UBE2E2: variants seen among roughly 807,000 people sequenced by gnomAD.
UBE2E2 encodes ubiquitin-conjugating enzyme E2 E2.
Under a neutral mutation model 24.7 loss-of-function variants are expected in UBE2E2, and 6 were observed. The observed-to-expected ratio is 0.24, with a 90% CI of 0.13 to 0.48. The LOEUF (loss-of-function observed/expected upper bound fraction) is 0.48. UBE2E2 is among the 20% of genes least tolerant of loss of function. The pLI is 0.99. For synonymous variants in UBE2E2, 104 were observed against 83.6 expected, an observed-to-expected ratio of 1.24 and a Z score of -1.33; for missense variants, 169 against 245.0, an observed-to-expected ratio of 0.69 and a Z score of 2.07.
intron 3 of UBE2E2, among the ~76,000 whole-genome samples, chr3:23,345,095 A>G (rs1270776209): frequency 6.6e-6 from 1 of 152,166 alleles, no homozygotes; most frequent in Non-Finnish European, 1.5e-5. Flanking sequence ...TTATTTGCAC[A>G]TTTCTAGTTC....
At chr3:23,398,311 T>C (rs1452092062) in intron 3 of UBE2E2, among the ~76,000 whole-genome samples, 1 of 28,028 alleles carries the variant, frequency 3.6e-5, no homozygotes, top group Admixed American at 2.0e-4. Context: ...AGACTCCATC[T>C]CAAAAAAAAA....
chr3:23,400,332 CTTTTA>C (rs1221800439), intron 3 of UBE2E2, among the ~76,000 whole-genome samples: 4 of 151,932 alleles, frequency 2.6e-5, no homozygotes, highest in Non-Finnish European at 5.9e-5. Flanking sequence ...TGAAGCTAGC[CTTTTA>C]TTTTATTTTC....
chr3:23,323,957 C>T (rs1694816695), intron 3 of UBE2E2, among the ~76,000 whole-genome samples: 1 of 152,078 alleles, frequency 6.6e-6, no homozygotes, highest in African/African-American at 2.4e-5. Context: ...TTGAATTAAC[C>T]ATAATGGAGC....
chr3:23,216,902 T>C (rs945770453), intron 2 of UBE2E2, among the ~76,000 whole-genome samples: 1 of 152,104 alleles, frequency 6.6e-6, no homozygotes, highest in African/African-American at 2.4e-5. Flanking sequence ...TAACTTAATA[T>C]CAGCTTTCCA....
intron 3 of UBE2E2, among the ~76,000 whole-genome samples, chr3:23,496,962 T>C (rs1002947181): frequency 1.3e-5 from 2 of 152,214 alleles, no homozygotes; most frequent in Non-Finnish European, 2.9e-5. Flanking sequence ...AACATTTCAA[T>C]TAATACATAT....
intron 3 of UBE2E2, among the ~76,000 whole-genome samples, chr3:23,313,635 G>A (rs975784758): frequency 2.6e-5 from 4 of 151,784 alleles, no homozygotes; most frequent in South Asian, 2.1e-4. Flanking sequence ...CACCCACCTC[G>A]GCCTCCCAAA....
intron 1 of UBE2E2, among the ~76,000 whole-genome samples, chr3:23,207,215 A>C (rs1195010127): frequency 1.3e-5 from 2 of 152,224 alleles, no homozygotes; most frequent in Non-Finnish European, 2.9e-5. Context: ...ATAGTCATCA[A>C]ACTCAGAAAT....
chr3:23,255,271 T>C (rs1235755957), intron 3 of UBE2E2, among the ~76,000 whole-genome samples: 1 of 151,218 alleles, frequency 6.6e-6, no homozygotes, highest in East Asian at 1.9e-4. Flanking sequence ...TTTTTTTTTT[T>C]TTGGTAACGA....
chr3:23,579,712 G>GA lies in UBE2E2; in HGVS notation c.509-10016dup, dbSNP rs577289702. Among the ~76,000 whole-genome samples, 350 of 151,798 alleles carry GA rather than the reference G, an allele frequency of 2.3e-3. 1 individual carries two copies. Among genetic ancestry groups the GA allele is most frequent in the Non-Finnish European group, 4.0e-3 (275 of 67,912 alleles). Reference sequence around the variant, plus strand: ...AAGACCCTGTCTCTTAAAAAAAAAAGAAAAAAGAATACTATTTCCTAAGGC... The same window carrying GA: ...AAGACCCTGTCTCTTAAAAAAAAAAGAAAAAAAGAATACTATTTCCTAAGGC... On this transcript the variant is annotated intron_variant, in intron 5 of 5. Coordinates refer to ENST00000396703, the MANE Select transcript of UBE2E2 (RefSeq NM_152653.4).
Position 23,591,783 on chromosome 3 carries a change from G to A in UBE2E2, c.*1952G>A, listed in dbSNP as rs1696771007. 2 of 152,130 alleles carry A rather than the reference G, an allele frequency of 1.3e-5. No individual in the cohort carries two copies. Among genetic ancestry groups the A allele is most frequent in the Admixed American group, 1.3e-4 (2 of 15,276 alleles). The allele number at this position is 152,130 out of a possible 1,614,324, so 9.4% of individuals were successfully genotyped here. ...TTTAACATAAAATAAATTCAATATGGTACAACACTGATTTTTGGAAAGTTG... is the reference window on the plus strand; with the variant it reads ...TTTAACATAAAATAAATTCAATATGATACAACACTGATTTTTGGAAAGTTG... On this transcript the variant is annotated 3_prime_UTR_variant, in exon 6 of 6. Coordinates refer to ENST00000396703, the MANE Select transcript of UBE2E2 (RefSeq NM_152653.4).
chr3:23,547,680 C>T (rs891534003), intron 5 of UBE2E2, among the ~76,000 whole-genome samples: 4 of 152,200 alleles, frequency 2.6e-5, no homozygotes, highest in African/African-American at 9.7e-5. Context: ...AAAACACCCT[C>T]GAGGATGTTG....
intron 3 of UBE2E2, among the ~76,000 whole-genome samples, chr3:23,417,697 G>T (rs1235660090): frequency 6.6e-6 from 1 of 152,186 alleles, no homozygotes; most frequent in African/African-American, 2.4e-5. Context: ...GGAGATGGGG[G>T]TTTTATCTAT....
intron 3 of UBE2E2, among the ~76,000 whole-genome samples, chr3:23,368,539 AT>A (rs1696317987): frequency 6.6e-6 from 1 of 152,190 alleles, no homozygotes; most frequent in Non-Finnish European, 1.5e-5. Context: ...CTATAAATTA[AT>A]TATATTTTTG....
chr3:23,230,652 G>A (rs531007749), intron 3 of UBE2E2, among the ~76,000 whole-genome samples: 42 of 152,178 alleles, frequency 2.8e-4, no homozygotes, highest in East Asian at 3.9e-4. Flanking sequence ...CCGGCTTGGT[G>A]GTGGGTACTT....
At chr3:23,575,840 G>A (rs928597339) in intron 5 of UBE2E2, among the ~76,000 whole-genome samples, 1 of 152,116 alleles carries the variant, frequency 6.6e-6, no homozygotes, top group African/African-American at 2.4e-5. Flanking sequence ...AAATCTAAAT[G>A]TGATCATAAG....
chr3:23,515,595 G>A (rs903446402), intron 4 of UBE2E2, among the ~76,000 whole-genome samples: 2 of 152,120 alleles, frequency 1.3e-5, no homozygotes, highest in African/African-American at 2.4e-5. Context: ...TATACTCCCT[G>A]TAAAAATTAG....
chr3:23,537,762 C>T (rs1220587285), intron 5 of UBE2E2, among the ~76,000 whole-genome samples: 1 of 151,994 alleles, frequency 6.6e-6, no homozygotes, highest in Non-Finnish European at 1.5e-5. Context: ...TTATTAATTG[C>T]TTATCTTTGG....
chr3:23,361,488 C>T (rs923710184), intron 3 of UBE2E2, among the ~76,000 whole-genome samples: 1 of 152,196 alleles, frequency 6.6e-6, no homozygotes, highest in Non-Finnish European at 1.5e-5. Context: ...CCATGGACTA[C>T]TACTCAGCCA....
At chr3:23,432,973 TTA>T (rs1698100319) in intron 3 of UBE2E2, among the ~76,000 whole-genome samples, 1 of 151,982 alleles carries the variant, frequency 6.6e-6, no homozygotes, top group African/African-American at 2.4e-5. Flanking sequence ...CTTGAATATA[TTA>T]AACACTAAAC....
Sources: gnomAD v4.1 joint callset for allele counts (sites outside exome capture counted in the v4.1 genomes callset) on GRCh38, gnomAD v4.1.1 for gene constraint, MANE v1.5 for transcripts, NCBI Gene and HGNC (gene_info 2026-07-23, HGNC 2026-07-21) for gene names.